The following CCDC14 variants were observed in gnomAD, a reference collection of about 807,000 sequenced individuals.
CCDC14 encodes coiled-coil domain-containing protein 14.
CCDC14 carries 71 observed loss-of-function variants against 81.4 expected under a neutral mutation model. The ratio of observed to expected loss-of-function variants is 0.87; its 90% CI spans 0.72 to 1.06. The LOEUF (loss-of-function observed/expected upper bound fraction) is 1.06. CCDC14 is among the 50% of genes least tolerant of loss of function. The pLI is 0.00. For missense variants in CCDC14, 1,046 were observed against 1,047.3 expected (o/e 1.00, Z 0.02); for synonymous variants, 332 against 364.8 (o/e 0.91, Z 1.03).
At chr3:123,937,869 T>A (rs889661274) in intron 9 of CCDC14, among the ~76,000 whole-genome samples, 3 of 151,894 alleles carry the variant, frequency 2.0e-5, no homozygotes, top group East Asian at 3.9e-4. Context: ...GTTCATTTTT[T>A]AAAAACATGA....
chr3:123,902,675 T>C (rs2034200996), intron 5 of CCDC14, among the ~76,000 whole-genome samples: 2 of 152,212 alleles, frequency 1.3e-5, no homozygotes, highest in South Asian at 4.1e-4. Context: ...AAAAGAGACA[T>C]AAAAGACTAA....
intron 12 of CCDC14, among the ~76,000 whole-genome samples, chr3:123,929,219 T>C (rs557793348): frequency 1.3e-5 from 2 of 152,278 alleles, no homozygotes; most frequent in South Asian, 4.1e-4. Flanking sequence ...CTCACTATTT[T>C]TTTCTTTTCT....
chr3:123,887,479 AC>A, the CCDC14 span, among the ~76,000 whole-genome samples: 1,652 of 61,508 alleles, frequency 0.027, 31 homozygotes, highest in African/African-American at 0.12. Context: ...AACAACAACA[AC>A]AAAAAAAAAA....
At chr3:123,928,334 A>G (rs893547862) in intron 12 of CCDC14, among the ~76,000 whole-genome samples, 1 of 10,052 alleles carries the variant, frequency 9.9e-5, no homozygotes, top group Non-Finnish European at 2.1e-4. Context: ...AGTCTCTACT[A>G]AAAAAAAAAA....
At chr3:123,891,957 G>A in the CCDC14 span, among the ~76,000 whole-genome samples, 1 of 152,218 alleles carries the variant, frequency 6.6e-6, no homozygotes, top group African/African-American at 2.4e-5. Flanking sequence ...AATCATGATG[G>A]AAGGCAAGGA....
intron 12 of CCDC14, among the ~76,000 whole-genome samples, chr3:123,929,897 T>C (rs957436228): frequency 6.6e-6 from 1 of 152,212 alleles, no homozygotes; most frequent in Admixed American, 6.5e-5. Context: ...GTATAAATAC[T>C]TGACACTAAC....
intron 12 of CCDC14, among the ~76,000 whole-genome samples, chr3:123,922,490 G>C (rs1057372256): frequency 2.0e-5 from 3 of 152,044 alleles, no homozygotes; most frequent in Non-Finnish European, 4.4e-5. Context: ...AAGAGAAGGA[G>C]AGAGAAGACT....
chr3:123,909,563 C>T (rs1416307761), downstream of CCDC14, among the ~76,000 whole-genome samples: 1 of 152,178 alleles, frequency 6.6e-6, no homozygotes, highest in Admixed American at 6.5e-5. Flanking sequence ...ATTTTAAGAA[C>T]ACTGTGTGCC....
At chr3:123,911,683 C>G (rs1367685978), downstream of CCDC14, among the ~76,000 whole-genome samples, 1 of 152,102 alleles carries the variant, frequency 6.6e-6, no homozygotes, top group Non-Finnish European at 1.5e-5. Flanking sequence ...GCTGTCTTCT[C>G]AGAGCCTATA....
intron 10 of CCDC14, among the ~76,000 whole-genome samples, chr3:123,933,129 C>CAAA (rs60220911): frequency 2.0e-5 from 3 of 150,732 alleles, no homozygotes; most frequent in East Asian, 3.9e-4. Flanking sequence ...AACAAACAAA[C>CAAA]AAAGCTGACA....
intron 10 of CCDC14, among the ~76,000 whole-genome samples, chr3:123,932,604 G>A (rs2035801680): frequency 6.6e-6 from 1 of 152,076 alleles, no homozygotes; most frequent in Non-Finnish European, 1.5e-5. Flanking sequence ...CTGTTCCTCT[G>A]TGGCATTTGA....
At chr3:123,909,213 C>T (rs769961942), downstream of CCDC14, among the ~76,000 whole-genome samples, 43 of 152,100 alleles carry the variant, frequency 2.8e-4, no homozygotes, top group Admixed American at 1.9e-3. Context: ...GTACCTTGGC[C>T]GTGTGCTCCC....
In CCDC14 at chr3:123,947,243, C is replaced by T. The variant is rs767319033; in HGVS notation, c.761G>A (p.Arg254Gln). The change falls in exon 8 of 13, where the codon CGG becomes CAG. Residue 254 changes from arginine (R) to glutamine (Q), a missense_variant. Arg to Gln is a conservative substitution (Grantham distance 43). Transcript: ENST00000409697. ...TCCAGGACTGGTATTAAATGAATTCCGTAGAACATCAGTACAGGTTGCAGA... is the reference window on the plus strand; with the variant it reads ...TCCAGGACTGGTATTAAATGAATTCTGTAGAACATCAGTACAGGTTGCAGA... The part of the protein sequence containing the change: ...TVSATCTDVL[R>Q]NSFNTSPGVP... The T allele has an allele frequency of 8.7e-5, 140 of 1,613,608 alleles. No individual in the cohort carries two copies. Among genetic ancestry groups the T allele is most frequent in the Non-Finnish European group, 1.1e-4 (129 of 1,179,830 alleles).
At chr3:123,897,729 T>G in intron 5 of CCDC14, 1 of 345,320 alleles carries the variant, frequency 2.9e-6, no homozygotes, top group Non-Finnish European at 4.3e-6. Context: ...CTATAGGTTC[T>G]CCGTTTGCTA....
chr3:123,938,327 G>T (rs1443885009), intron 9 of CCDC14, among the ~76,000 whole-genome samples: 1 of 151,660 alleles, frequency 6.6e-6, no homozygotes, highest in African/African-American at 2.4e-5. Flanking sequence ...CAGTGTATGG[G>T]TCTTACATAT....
chr3:123,923,538 A>G (rs1188535409), intron 12 of CCDC14, among the ~76,000 whole-genome samples: 1 of 151,978 alleles, frequency 6.6e-6, no homozygotes, highest in Non-Finnish European at 1.5e-5. Context: ...ACACCAAAAA[A>G]CTGTTTTGCT....
chr3:123,908,635 A>G (rs34167523), downstream of CCDC14, among the ~76,000 whole-genome samples: 13,371 of 152,130 alleles, frequency 0.088, 709 homozygotes, highest in Middle Eastern at 0.21. Context: ...AAATTCTCAT[A>G]CCCTTTCTGG....
At chr3:123,919,198 G>A (rs1409205132) in intron 12 of CCDC14, among the ~76,000 whole-genome samples, 2 of 151,818 alleles carry the variant, frequency 1.3e-5, no homozygotes, top group Non-Finnish European at 2.9e-5. Context: ...CTTCACAGCT[G>A]TACATATAGT....
At chr3:123,926,765 C>T (rs1464484361) in intron 12 of CCDC14, among the ~76,000 whole-genome samples, 2 of 151,978 alleles carry the variant, frequency 1.3e-5, no homozygotes, top group African/African-American at 4.8e-5. Context: ...ACCTTTCAGT[C>T]CCATTACTCC....
Sources: allele counts gnomAD v4.1 joint callset (sites outside exome capture counted in the v4.1 genomes callset), GRCh38; gene constraint gnomAD v4.1.1; transcripts MANE v1.5; gene names NCBI Gene and HGNC (gene_info 2026-07-23, HGNC 2026-07-21).